Variants in SORBS2 observed in about 807,000 individuals in gnomAD.
SORBS2 encodes the protein sorbin and SH3 domain-containing protein 2.
A neutral mutation model predicts 97.7 loss-of-function variants in SORBS2; 46 were observed. The ratio of observed to expected loss-of-function variants is 0.47; its 90% CI spans 0.37 to 0.60. The LOEUF is 0.60. Among genes scored for constraint, SORBS2 ranks in the 20% least tolerant of loss-of-function variants. The pLI, the probability that SORBS2 is intolerant of heterozygous loss-of-function variation, is 0.00. For missense variants in SORBS2, 1,316 were observed against 1,282.3 expected, an observed-to-expected ratio of 1.03 and a Z score of -0.40; for synonymous variants, 476 against 473.4, an observed-to-expected ratio of 1.01 and a Z score of -0.07.
rs2153393026 is a variant in SORBS2 at position 185,606,486 on chromosome 4, T to C, written c.2796+5294A>G. 1.0e-6 allele frequency: 1 copy of C among 982,888 alleles called. No homozygotes were observed. Among genetic ancestry groups the C allele is most frequent in the Non-Finnish European group, 1.2e-6 (1 of 827,592 alleles). 60.9% of individuals were successfully genotyped at this position (982,888 alleles called of 1,614,324 possible). On this transcript the variant is annotated intron_variant, in intron 12 of 14. Coordinates refer to ENST00000418609, the Ensembl canonical transcript of SORBS2. This position sits in a 1 kb window ranked among gnomAD's most constrained non-coding sequence, Gnocchi z 4.3. ...TATTTGTGTTTTTTGTTTAAAAAAA[T>C]CTGTTAGTCAAAATAGGTATTTATT...
chr4:185,750,648 T>C lies in SORBS2; in HGVS notation c.-198+24579A>G, dbSNP rs536777501. On this transcript the variant is annotated intron_variant, in intron 2 of 20. Coordinates refer to the SORBS2 transcript ENST00000284776. ...CAGTTATTTGGTACCATATTGAAAA[T>C]ACATTAATTCTAAAATAACAAACAA... 5.3e-5 allele frequency among the ~76,000 whole-genome samples: 8 copies of C among 152,344 alleles called. No homozygotes were observed. The South Asian group carries it at 8.3e-4, about 16-fold the overall frequency.
At chr4:185,881,133 A>G (rs1037853592) in intron 1 of SORBS2, among the ~76,000 whole-genome samples, 1 of 152,230 alleles carries the variant, frequency 6.6e-6, no homozygotes, top group African/African-American at 2.4e-5. Context: ...TATCATTGAA[A>G]CAAGGTCAAA....
At chr4:185,936,844 C>T (rs987475842) in intron 1 of SORBS2, among the ~76,000 whole-genome samples, 1 of 152,208 alleles carries the variant, frequency 6.6e-6, no homozygotes, top group Non-Finnish European at 1.5e-5. Flanking sequence ...TCACTACCAA[C>T]AGCACAGCAT....
chr4:185,710,410 C>T (rs2098408119), intron 2 of SORBS2, among the ~76,000 whole-genome samples: 1 of 152,214 alleles, frequency 6.6e-6, no homozygotes, highest in Non-Finnish European at 1.5e-5. Flanking sequence ...AGTGTTCAAA[C>T]CTTTTATGTA....
intron 2 of SORBS2, among the ~76,000 whole-genome samples, chr4:185,712,614 C>T (rs572468328): frequency 1.3e-5 from 2 of 152,230 alleles, no homozygotes; most frequent in Non-Finnish European, 2.9e-5. Flanking sequence ...AGAGCTAGAA[C>T]AGCACTGCAA....
chr4:185,915,284 CA>C (rs1346377030), intron 1 of SORBS2, among the ~76,000 whole-genome samples: 1 of 152,228 alleles, frequency 6.6e-6, no homozygotes, highest in African/African-American at 2.4e-5. Flanking sequence ...AGTTTTATCT[CA>C]TAGAAGCCTC....
intron 4 of SORBS2, among the ~76,000 whole-genome samples, chr4:185,665,165 C>T (rs899892847): frequency 6.6e-6 from 1 of 152,244 alleles, no homozygotes; most frequent in Non-Finnish European, 1.5e-5. Flanking sequence ...AAAAATCGTA[C>T]AGCTAAATTT....
At position 185,779,347 on chromosome 4, in the gene SORBS2, G is replaced by A. The variant is rs189254135; in HGVS notation, c.-337-3981C>T. On this transcript the variant is annotated intron_variant, in intron 1 of 20. Transcript: ENST00000284776. ...TTGGGTTGTTGTGAGGGTGAAAATTGTTATTTGAAACAGCCATGGAAAAAT... is the reference window on the plus strand; with the variant it reads ...TTGGGTTGTTGTGAGGGTGAAAATTATTATTTGAAACAGCCATGGAAAAAT... Among the ~76,000 whole-genome samples the A allele has an allele frequency of 1.8e-3, 280 of 152,150 alleles. 2 individuals are homozygous for A. The highest frequency in any genetic ancestry group is 3.4e-3 in the Middle Eastern group (1 of 294).
chr4:185,803,295 G>A (rs1394564389), intron 1 of SORBS2, among the ~76,000 whole-genome samples: 2 of 152,038 alleles, frequency 1.3e-5, no homozygotes, highest in Non-Finnish European at 1.5e-5. Flanking sequence ...CCTGACAGTT[G>A]CAAAATTAAA....
intron 1 of SORBS2, among the ~76,000 whole-genome samples, chr4:185,853,767 A>G (rs916228955): frequency 6.6e-6 from 1 of 152,200 alleles, no homozygotes; most frequent in Non-Finnish European, 1.5e-5. Context: ...ATTTTTTTAA[A>G]TGGAGCTGAT....
rs149191298 is a variant in SORBS2, at chr4:185,664,254, A to T, written c.-45-2012T>A. ...ACTGTATTGTTATAGTGAATTCATTATTAGGAAAAACATGTCATGAATAAT... is the reference window on the plus strand; with the variant it reads ...ACTGTATTGTTATAGTGAATTCATTTTTAGGAAAAACATGTCATGAATAAT... On this transcript the variant is annotated intron_variant, in intron 4 of 20. Transcript: ENST00000284776. Among the ~76,000 whole-genome samples, 270 of 152,308 alleles carry T rather than the reference A, an allele frequency of 1.8e-3. 1 individual carries two copies. The highest frequency in any genetic ancestry group is 5.7e-3 in the African/African-American group (238 of 41,570).
intron 1 of SORBS2, among the ~76,000 whole-genome samples, chr4:185,895,663 C>A (rs925202825): frequency 6.6e-6 from 1 of 152,176 alleles, no homozygotes; most frequent in Admixed American, 6.5e-5. Context: ...CTGATTGGCC[C>A]GGACAGGTCA....
At chr4:185,843,345 T>A (rs1016846395) in intron 1 of SORBS2, among the ~76,000 whole-genome samples, 1 of 152,184 alleles carries the variant, frequency 6.6e-6, no homozygotes, top group Non-Finnish European at 1.5e-5. Flanking sequence ...TATTGGAGGT[T>A]CTAGCTGTAG....
intron 1 of SORBS2, 84 bp from the exon 10 acceptor site, chr4:185,652,812 T>C: frequency 9.8e-7 from 1 of 1,022,566 alleles, no homozygotes; most frequent in South Asian, 1.3e-5. Context: ...CTATTTTATG[T>C]TCTTAATAAC....
chr4:185,623,571 A>G lies in SORBS2; in HGVS notation c.1558T>C (p.Ser520Pro). 1.9e-6 allele frequency: 3 copies of G among 1,613,374 alleles called. No homozygotes were observed. The highest frequency in any genetic ancestry group is 1.3e-5 in the African/African-American group (1 of 74,754). ...AAGTCACTTTCACTGCAGAAGGATG[A>G]CCCCTCTAGGTGAATGTAGTCACTG... is the stretch of plus-strand genomic sequence containing the variant. The change falls in exon 7 of 15, where the codon TCA becomes CCA. Residue 520 changes from serine to proline, a missense_variant. Ser to Pro is a moderately conservative substitution (Grantham distance 74). Coordinates refer to ENST00000418609, the Ensembl canonical transcript of SORBS2. The surrounding 1 kb of genome is among the most constrained non-coding windows in gnomAD (Gnocchi z 6.4).
At chr4:185,665,091 TAAAC>T (rs891967825) in intron 4 of SORBS2, among the ~76,000 whole-genome samples, 2 of 152,122 alleles carry the variant, frequency 1.3e-5, no homozygotes, top group Non-Finnish European at 2.9e-5. Context: ...AAATTATTGA[TAAAC>T]AAAATAAAAA....
chr4:185,911,543 C>T (rs563282417), intron 1 of SORBS2, among the ~76,000 whole-genome samples: 9 of 152,116 alleles, frequency 5.9e-5, no homozygotes, highest in South Asian at 2.1e-4. Flanking sequence ...TCCTTGAGTG[C>T]GCAAGTTTCC....
intron 2 of SORBS2, among the ~76,000 whole-genome samples, chr4:185,769,219 C>T (rs550509336): frequency 6.6e-6 from 1 of 152,234 alleles, no homozygotes; most frequent in South Asian, 2.1e-4. Flanking sequence ...GGGGACAGGA[C>T]CCAGATCCAA....
Position 185,952,014 on chromosome 4 carries a change from G to A in SORBS2, c.-338+4182C>T, listed in dbSNP as rs928090996. Among the ~76,000 whole-genome samples the A allele has an allele frequency of 1.1e-4, 16 of 150,774 alleles. 1 individual carries two copies. Among genetic ancestry groups the A allele is most frequent in the Non-Finnish European group, 1.3e-4 (9 of 67,712 alleles). On this transcript the variant is annotated intron_variant, in intron 1 of 20. Transcript: ENST00000284776. ...TGGCAGAATATCAAAAGTGGTAGAA[G>A]AAAGTTAAAATAGCTTCTTTTTTTT... is the stretch of plus-strand genomic sequence containing the variant.
Sources: allele counts gnomAD v4.1 joint callset (sites outside exome capture counted in the v4.1 genomes callset), GRCh38; gene constraint gnomAD v4.1.1; non-coding constraint Gnocchi (gnomAD v3.1); transcripts MANE v1.5; gene names NCBI Gene and HGNC (gene_info 2026-07-23, HGNC 2026-07-21).